Variants in EIF3I observed in about 807,000 individuals in gnomAD.
EIF3I encodes the protein eukaryotic translation initiation factor 3 subunit I.
In EIF3I, 20 loss-of-function variants were observed where a neutral mutation model predicts 43.3. The observed-to-expected ratio is 0.46, with a 90% CI of 0.32 to 0.67. The LOEUF (loss-of-function observed/expected upper bound fraction) is 0.67, where lower values mean the gene tolerates loss of function less well. EIF3I is among the 30% of genes least tolerant of loss of function. EIF3I has a pLI of 0.03. For synonymous variants in EIF3I, 167 were observed against 151.7 expected, an observed-to-expected ratio of 1.10 and a Z score of -0.74; for missense variants, 279 against 421.4, an observed-to-expected ratio of 0.66 and a Z score of 2.96.
chr1:32,222,648 G>T lies in EIF3I; in HGVS notation c.96+18G>T. On this transcript the variant is annotated intron_variant, in intron 2 of 11. Transcript: ENST00000676679. ...AGGACCCTGTGAGTGTTGGCTGGAG[G>T]GGGTCCGGGAGGGGCGGGATCCTTC... The T allele has an allele frequency of 6.2e-7, 1 of 1,612,652 alleles. No homozygotes were observed. The highest frequency in any genetic ancestry group is 8.5e-7 in the Non-Finnish European group (1 of 1,178,770).
intron 2 of EIF3I, 30 bp downstream of exon 2, chr1:32,222,660 G>A (rs1433922106): frequency 1.2e-6 from 2 of 1,605,954 alleles, no homozygotes; most frequent in African/African-American, 2.7e-5. Context: ...GGTCCGGGAG[G>A]GGCGGGATCC....
chr1:32,226,261 A>G (rs202084860), exon 5 of EIF3I: 2 of 1,614,156 alleles, frequency 1.2e-6, no homozygotes, highest in Non-Finnish European at 1.7e-6. Flanking sequence ...TCCACGGACA[A>G]GCAGATGGGC....
chr1:32,231,246 A>C, exon 12 of EIF3I: 2 of 1,569,370 alleles, frequency 1.3e-6, no homozygotes, highest in Admixed American at 1.7e-5. Flanking sequence ...TAATCCCACC[A>C]CTTTTTTTTT....
intron 8 of EIF3I, 141 bp from the exon 9 acceptor site, chr1:32,228,994 G>T (rs1449800688): frequency 1.8e-6 from 2 of 1,083,650 alleles, no homozygotes; most frequent in Non-Finnish European, 2.7e-6. Flanking sequence ...AGCAGGAGGT[G>T]GCAGAAGTGT....
chr1:32,228,936 C>G, intron 8 of EIF3I, 120 bp downstream of exon 8: 1 of 1,079,478 alleles, frequency 9.3e-7, no homozygotes, highest in South Asian at 1.5e-5. Flanking sequence ...AGAGGAGATG[C>G]CCAGAGGAGT....
chr1:32,226,554 G>A (rs1457835414), intron 6 of EIF3I, 24 bp downstream of exon 6: 1 of 1,452,884 alleles, frequency 6.9e-7, no homozygotes, highest in Non-Finnish European at 9.1e-7. Context: ...TGGGGCCTGA[G>A]CCTACCAGAA....
At chr1:32,226,760 G>A (rs577003877) in intron 6 of EIF3I, among the ~76,000 whole-genome samples, 3 of 150,304 alleles carry the variant, frequency 2.0e-5, no homozygotes, top group Non-Finnish European at 4.4e-5. Context: ...AGTAGAGACA[G>A]GGTTTCACCA....
At chr1:32,227,817 C>A (rs1259041005) in intron 6 of EIF3I, among the ~76,000 whole-genome samples, 1 of 152,164 alleles carries the variant, frequency 6.6e-6, no homozygotes, top group Non-Finnish European at 1.5e-5. Flanking sequence ...TCCTTGCCAC[C>A]ACTGAGTATA....
downstream of EIF3I, chr1:32,231,745 TG>T (rs1280336728): frequency 6.5e-6 from 1 of 153,976 alleles, no homozygotes; most frequent in Non-Finnish European, 1.4e-5. Context: ...TTGGCTAACC[TG>T]GGTTGCAGGC....
chr1:32,230,981 A>G, exon 11 of EIF3I: 1 of 1,609,282 alleles, frequency 6.2e-7, no homozygotes, highest in Non-Finnish European at 8.5e-7. Context: ...GTCACTTTGG[A>G]CCTATCAACA....
chr1:32,233,884 A>G (rs917371358), downstream of EIF3I, among the ~76,000 whole-genome samples: 1 of 152,098 alleles, frequency 6.6e-6, no homozygotes, highest in Non-Finnish European at 1.5e-5. Flanking sequence ...CCTTGGACCT[A>G]TTTATCTCTG....
exon 5 of EIF3I, chr1:32,226,236 A>C: frequency 6.2e-7 from 1 of 1,614,120 alleles, no homozygotes; most frequent in Non-Finnish European, 8.5e-7. Context: ...CTTTGGGGGC[A>C]ACATCATCAT....
intron 2 of EIF3I, 77 bp downstream of exon 2, chr1:32,222,707 C>T (rs945169174): frequency 4.1e-6 from 6 of 1,459,528 alleles, no homozygotes; most frequent in South Asian, 1.1e-5. Context: ...CCAGTTTTGC[C>T]GTTAGCGGGG....
chr1:32,233,311 T>A (rs1202909398), downstream of EIF3I, among the ~76,000 whole-genome samples: 1 of 152,076 alleles, frequency 6.6e-6, no homozygotes, highest in Non-Finnish European at 1.5e-5. Context: ...GGTGCCAACA[T>A]GCCCGGCTAA....
At chr1:32,235,984 A>G (rs946304532), downstream of EIF3I, among the ~76,000 whole-genome samples, 1 of 152,146 alleles carries the variant, frequency 6.6e-6, no homozygotes, top group East Asian at 1.9e-4. Flanking sequence ...CCTTGAGGAT[A>G]AAGTCTAAGC....
chr1:32,229,911 C>A (rs930060360), intron 9 of EIF3I, among the ~76,000 whole-genome samples: 2 of 152,102 alleles, frequency 1.3e-5, no homozygotes, highest in African/African-American at 4.8e-5. Context: ...TGACAATATA[C>A]TTAACATAAA....
exon 3 of EIF3I, chr1:32,224,043 G>A (rs758846450): frequency 3.1e-6 from 5 of 1,614,162 alleles, no homozygotes; most frequent in South Asian, 2.2e-5. Flanking sequence ...GATCGTCAAT[G>A]TATGGTACTC....
At chr1:32,230,309 C>T (rs557345220) in exon 10 of EIF3I, among the ~76,000 whole-genome samples, 2 of 152,078 alleles carry the variant, frequency 1.3e-5, no homozygotes, top group East Asian at 3.9e-4. Flanking sequence ...GGCACCATCT[C>T]TGCTCACCGC....
At chr1:32,227,275 TAAA>T (rs1005926284) in intron 6 of EIF3I, among the ~76,000 whole-genome samples, 2 of 55,386 alleles carry the variant, frequency 3.6e-5, no homozygotes, top group Non-Finnish European at 3.8e-5. Context: ...ACCCTGTCTC[TAAA>T]AAAAAAAAAA....
Sources: allele counts gnomAD v4.1 joint callset (sites outside exome capture counted in the v4.1 genomes callset), GRCh38; gene constraint gnomAD v4.1.1; transcripts MANE v1.5; gene names NCBI Gene and HGNC (gene_info 2026-07-23, HGNC 2026-07-21).